The following TRAPPC13 variants were observed in gnomAD, a reference collection of about 807,000 sequenced individuals.
TRAPPC13 encodes the protein REV7-interacting novel NHEJ regulator 1.
TRAPPC13 carries 39 observed loss-of-function variants against 54.0 expected under a neutral mutation model. The ratio of observed to expected loss-of-function variants is 0.72; its 90% CI spans 0.56 to 0.94. TRAPPC13 has a LOEUF of 0.94. TRAPPC13 is among the 40% of genes least tolerant of loss of function. TRAPPC13 has a pLI of 0.00. For synonymous variants in TRAPPC13, 148 were observed against 167.7 expected (o/e 0.88, Z 0.91); for missense variants, 386 against 488.1 (o/e 0.79, Z 1.97).
At chr5:65,658,937 C>T (rs1006014695) in intron 9 of TRAPPC13, among the ~76,000 whole-genome samples, 2 of 151,988 alleles carry the variant, frequency 1.3e-5, no homozygotes, top group Admixed American at 6.6e-5. Context: ...CCAGGCTGGT[C>T]TTCAGCTCCT....
Position 65,647,185 on chromosome 5 carries a change from A to G in TRAPPC13, c.428+3A>G. ...GTCAAAGAAATTGGAACACACATGT[A>G]AGGATTAATTTTATTAGTTCTCAAA... On this transcript the variant is annotated splice_donor_region_variant and intron_variant, in intron 5 of 12. Coordinates refer to ENST00000399438, the MANE Select transcript of TRAPPC13 (RefSeq NM_024941.4). The G allele has an allele frequency of 6.4e-7, 1 of 1,574,290 alleles. No individual in the cohort carries two copies. The highest frequency in any genetic ancestry group is 8.6e-7 in the Non-Finnish European group (1 of 1,161,482).
At chr5:65,638,159 T>C (rs917586284) in intron 4 of TRAPPC13, among the ~76,000 whole-genome samples, 1 of 151,996 alleles carries the variant, frequency 6.6e-6, no homozygotes, top group Non-Finnish European at 1.5e-5. Context: ...TTTTTATATC[T>C]ATTATGTTTT....
In TRAPPC13 at chr5:65,652,504, C is replaced by A. The variant is rs1183662996; in HGVS notation, c.505C>A (p.Leu169Ile). The part of the protein sequence containing the change: ...YFRKFFKFQV[L>I]KPLDVKTKFY... ...TTGATATGCTTTATTTAACCAGGTT[C>A]TCAAACCATTGGATGTGAAAACCAA... The change falls in exon 7 of 13, where the codon CTC (leucine) becomes ATC (isoleucine). Residue 169 changes from leucine to isoleucine, a missense_variant. Leu to Ile is a conservative substitution (Grantham distance 5, BLOSUM62 2). Coordinates refer to ENST00000399438, the MANE Select transcript of TRAPPC13 (RefSeq NM_024941.4). The A allele has an allele frequency of 6.2e-7, 1 of 1,605,316 alleles. No individual in the cohort carries two copies. The highest frequency in any genetic ancestry group is 1.7e-5 in the Admixed American group (1 of 59,938).
intron 1 of TRAPPC13, chr5:65,630,221 T>C (rs773817217): frequency 4.8e-5 from 73 of 1,535,802 alleles, no homozygotes; most frequent in Non-Finnish European, 5.4e-5. Flanking sequence ...AGGCCAAATA[T>C]GGGTGTTCTG....
At chr5:65,646,114 T>C (rs1756197603) in intron 4 of TRAPPC13, among the ~76,000 whole-genome samples, 1 of 152,110 alleles carries the variant, frequency 6.6e-6, no homozygotes, top group Non-Finnish European at 1.5e-5. Context: ...ATACATAAGG[T>C]AATTATAGAT....
intron 11 of TRAPPC13, chr5:65,663,039 C>T (rs1417384673): frequency 1.3e-5 from 2 of 152,126 alleles, no homozygotes; most frequent in Non-Finnish European, 1.5e-5. Flanking sequence ...GGAGAAGGGA[C>T]ATGGCCTTAC....
intron 1 of TRAPPC13, among the ~76,000 whole-genome samples, chr5:65,632,236 C>A (rs1217526109): frequency 6.6e-6 from 1 of 152,132 alleles, no homozygotes; most frequent in African/African-American, 2.4e-5. Flanking sequence ...TGTAGTCCAA[C>A]CTGGGTAACA....
At chr5:65,645,745 A>G (rs935590803) in intron 4 of TRAPPC13, among the ~76,000 whole-genome samples, 1 of 152,206 alleles carries the variant, frequency 6.6e-6, no homozygotes, top group East Asian at 1.9e-4. Flanking sequence ...TGGAGCTTGC[A>G]GTGAGCCGAG....
intron 1 of TRAPPC13, 90 bp downstream of exon 1, chr5:65,625,196 A>C (rs527535319): frequency 9.1e-7 from 1 of 1,093,534 alleles, no homozygotes; most frequent in African/African-American, 1.5e-5. Flanking sequence ...CATCCTTCTT[A>C]AACACTCAGT....
At chr5:65,634,180 T>C (rs1011369254) in intron 1 of TRAPPC13, among the ~76,000 whole-genome samples, 2 of 151,844 alleles carry the variant, frequency 1.3e-5, no homozygotes, top group Admixed American at 6.6e-5. Flanking sequence ...AGAGACGGGG[T>C]TTCACCGTGT....
intron 1 of TRAPPC13, among the ~76,000 whole-genome samples, chr5:65,631,236 A>G (rs948426290): frequency 6.6e-6 from 1 of 152,226 alleles, no homozygotes; most frequent in African/African-American, 2.4e-5. Context: ...CTAGGAATAT[A>G]GACATGTTTA....
intron 4 of TRAPPC13, among the ~76,000 whole-genome samples, chr5:65,641,363 A>G (rs1755957823): frequency 6.6e-6 from 1 of 152,100 alleles, no homozygotes; most frequent in Non-Finnish European, 1.5e-5. Context: ...ATGGTTGCTT[A>G]ATAAAAGATT....
intron 1 of TRAPPC13, among the ~76,000 whole-genome samples, chr5:65,628,616 C>A (rs1755362213): frequency 6.6e-6 from 1 of 151,854 alleles, no homozygotes; most frequent in South Asian, 2.1e-4. Context: ...GGATTACAGG[C>A]ACACGCCACC....
chr5:65,641,313 G>A (rs934391103), intron 4 of TRAPPC13, among the ~76,000 whole-genome samples: 2 of 152,132 alleles, frequency 1.3e-5, no homozygotes, highest in African/African-American at 4.8e-5. Context: ...CTGTATTTGT[G>A]TGAGTGTTGT....
intron 4 of TRAPPC13, among the ~76,000 whole-genome samples, chr5:65,645,835 A>G (rs770292444): frequency 2.6e-5 from 4 of 152,188 alleles, no homozygotes; most frequent in Non-Finnish European, 5.9e-5. Context: ...ACTGTTTTAT[A>G]AAAGAAACAA....
rs1232943436 is a variant in TRAPPC13 at position 65,662,079 on chromosome 5, T to C, written c.927T>C (p.Ser309=). The change falls in exon 11 of 13, where the codon TCT becomes TCC. Residue 309 remains serine (S), a synonymous_variant. Transcript: ENST00000399438. The part of the protein sequence containing the change: ...MAPGYGDVRL[S]LEAIPDTVNL... ...CAGGTTATGGAGATGTTAGGTTGTCTTTGGAGGCAATACCAGATACCGTAA... is the reference window on the plus strand; with the variant it reads ...CAGGTTATGGAGATGTTAGGTTGTCCTTGGAGGCAATACCAGATACCGTAA... 1 of 1,608,980 alleles carries C rather than the reference T, an allele frequency of 6.2e-7. No individual in the cohort carries two copies. Among genetic ancestry groups the C allele is most frequent in the Non-Finnish European group, 8.5e-7 (1 of 1,177,782 alleles).
intron 5 of TRAPPC13, 26 bp from the exon 6 acceptor site, chr5:65,650,784 A>T: frequency 6.3e-7 from 1 of 1,585,112 alleles, no homozygotes; most frequent in Non-Finnish European, 8.6e-7. Context: ...ATGACTCAGA[A>T]TCGTTAAGAC....
chr5:65,663,415 C>T (rs1309969483), intron 11 of TRAPPC13: 1 of 152,050 alleles, frequency 6.6e-6, no homozygotes, highest in Admixed American at 6.6e-5. Flanking sequence ...GTAGTGCATC[C>T]ACCTTGGTCT....
At chr5:65,655,183 G>T (rs928417532) in intron 7 of TRAPPC13, among the ~76,000 whole-genome samples, 3 of 152,262 alleles carry the variant, frequency 2.0e-5, no homozygotes, top group Admixed American at 1.3e-4. Context: ...AACTCTAATT[G>T]CCCAAGATAT....
Sources: allele counts gnomAD v4.1 joint callset (sites outside exome capture counted in the v4.1 genomes callset), GRCh38; gene constraint gnomAD v4.1.1; transcripts MANE v1.5; gene names NCBI Gene and HGNC (gene_info 2026-07-23, HGNC 2026-07-21).